HSD17B12: variants seen among roughly 807,000 people sequenced by gnomAD.
HSD17B12 encodes hydroxysteroid 17-beta dehydrogenase 12.
A neutral mutation model predicts 39.3 loss-of-function variants in HSD17B12; 32 were observed. That is an observed-to-expected ratio of 0.81 (90% confidence interval 0.61 to 1.09). The LOEUF (loss-of-function observed/expected upper bound fraction) is 1.09, where lower values mean the gene tolerates loss of function less well. HSD17B12 is among the 50% of genes least tolerant of loss of function. The pLI, the probability that HSD17B12 is intolerant of heterozygous loss-of-function variation, is 0.00. For synonymous variants in HSD17B12, 150 were observed against 146.7 expected (o/e 1.02, Z -0.16); for missense variants, 342 against 382.9 (o/e 0.89, Z 0.89).
At chr11:43,565,535 T>C in the HSD17B12 span, among the ~76,000 whole-genome samples, 3 of 152,218 alleles carry the variant, frequency 2.0e-5, no homozygotes, top group Admixed American at 6.5e-5. Flanking sequence ...GATGGAGTTA[T>C]GGCTTATAGC....
chr11:43,599,002 C>T, the HSD17B12 span, among the ~76,000 whole-genome samples: 61 of 152,338 alleles, frequency 4.0e-4, no homozygotes, highest in Non-Finnish European at 8.4e-4. Flanking sequence ...TTTCTTACAT[C>T]ACTTTGGACA....
chr11:43,635,010 A>T, the HSD17B12 span, among the ~76,000 whole-genome samples: 1 of 152,196 alleles, frequency 6.6e-6, no homozygotes, highest in Non-Finnish European at 1.5e-5. Context: ...CTTGTGCAAG[A>T]TGAAATACTT....
At chr11:43,847,033 C>T (rs763675346) in intron 9 of HSD17B12, among the ~76,000 whole-genome samples, 4 of 152,176 alleles carry the variant, frequency 2.6e-5, no homozygotes, top group South Asian at 2.1e-4. Context: ...TAGAGTGATA[C>T]GTTCTCGAGA....
At chr11:43,584,078 C>G in the HSD17B12 span, among the ~76,000 whole-genome samples, 1 of 152,254 alleles carries the variant, frequency 6.6e-6, no homozygotes, top group Non-Finnish European at 1.5e-5. Flanking sequence ...TTTTGCATGC[C>G]GTCTTTCTCA....
chr11:43,738,740 A>G (rs1443836524), intron 1 of HSD17B12, among the ~76,000 whole-genome samples: 2 of 152,198 alleles, frequency 1.3e-5, no homozygotes, highest in Non-Finnish European at 2.9e-5. Flanking sequence ...GTGATGATCC[A>G]GACAGACCCT....
intron 1 of HSD17B12, among the ~76,000 whole-genome samples, chr11:43,707,392 G>A (rs1339357016): frequency 1.3e-5 from 2 of 152,170 alleles, no homozygotes; most frequent in Non-Finnish European, 2.9e-5. Flanking sequence ...AGATTTTCTC[G>A]ATACGTTGAC....
At position 43,711,771 on chromosome 11, in the gene HSD17B12, G is replaced by A. The variant is rs113941860; in HGVS notation, c.160+30784G>A. ...ATTACAGGCATGAGCCACCACACCC[G>A]GCCTACAGTGTGATGTATTAATTTG... On this transcript the variant is annotated intron_variant, in intron 1 of 10. Coordinates refer to ENST00000278353, the MANE Select transcript of HSD17B12 (RefSeq NM_016142.3). Among the ~76,000 whole-genome samples the A allele has an allele frequency of 6.9e-3, 1,043 of 152,036 alleles. 10 individuals are homozygous for A. The highest frequency in any genetic ancestry group is 0.024 in the African/African-American group (995 of 41,454).
chr11:43,789,156 C>T (rs966404658), intron 3 of HSD17B12, among the ~76,000 whole-genome samples: 15 of 152,174 alleles, frequency 9.9e-5, no homozygotes, highest in Non-Finnish European at 2.9e-5. Flanking sequence ...ACAAATGTTA[C>T]CTAGTAGGTA....
chr11:43,709,761 T>C (rs961348908), intron 1 of HSD17B12, among the ~76,000 whole-genome samples: 1 of 152,184 alleles, frequency 6.6e-6, no homozygotes, highest in Non-Finnish European at 1.5e-5. Flanking sequence ...AAACTATGAA[T>C]TGACTATGAC....
intron 1 of HSD17B12, among the ~76,000 whole-genome samples, chr11:43,732,633 T>A (rs958075386): frequency 1.3e-5 from 2 of 152,094 alleles, no homozygotes; most frequent in Non-Finnish European, 2.9e-5. Flanking sequence ...TTGGCTAACC[T>A]TTTTTATTTT....
intron 4 of HSD17B12, among the ~76,000 whole-genome samples, chr11:43,807,003 A>T (rs1453340965): frequency 1.1e-5 from 1 of 89,918 alleles, no homozygotes; most frequent in Non-Finnish European, 2.5e-5. Flanking sequence ...GCCATGAATA[A>T]GAAAGACACT....
chr11:43,786,922 C>G (rs182975172), intron 3 of HSD17B12, among the ~76,000 whole-genome samples: 19 of 152,048 alleles, frequency 1.2e-4, no homozygotes, highest in African/African-American at 4.6e-4. Flanking sequence ...TTAGGGAATC[C>G]TAGGGTCAAA....
At chr11:43,634,005 C>T in the HSD17B12 span, among the ~76,000 whole-genome samples, 1 of 132,290 alleles carries the variant, frequency 7.6e-6, no homozygotes, top group African/African-American at 2.8e-5. Flanking sequence ...ACCCGGGAGG[C>T]GGAGGTTGCC....
At chr11:43,611,941 A>G in the HSD17B12 span, among the ~76,000 whole-genome samples, 1 of 152,094 alleles carries the variant, frequency 6.6e-6, no homozygotes, top group East Asian at 1.9e-4. Context: ...GGCATAATCT[A>G]CTCTTGCTTG....
chr11:43,842,679 A>G (rs1406043684), intron 9 of HSD17B12, among the ~76,000 whole-genome samples: 1 of 152,194 alleles, frequency 6.6e-6, no homozygotes, highest in Non-Finnish European at 1.5e-5. Context: ...AAGGTATCAC[A>G]TGCCAGGCAA....
intron 9 of HSD17B12, among the ~76,000 whole-genome samples, chr11:43,844,169 G>A (rs190913665): frequency 7.4e-4 from 112 of 152,194 alleles, no homozygotes; most frequent in African/African-American, 2.4e-3. Flanking sequence ...GTCTACCTCC[G>A]TGTGAATGTA....
upstream of HSD17B12, among the ~76,000 whole-genome samples, chr11:43,679,656 A>C (rs569645130): frequency 6.6e-6 from 1 of 152,352 alleles, no homozygotes; most frequent in Admixed American, 6.5e-5. Context: ...CCCCCTTTGA[A>C]GACAAATTAA....
chr11:43,843,287 G>A (rs1399779227), intron 9 of HSD17B12, among the ~76,000 whole-genome samples: 3 of 152,172 alleles, frequency 2.0e-5, no homozygotes, highest in African/African-American at 7.2e-5. Flanking sequence ...TAGTCTAAAT[G>A]AAGCTCAGAG....
At chr11:43,816,998 CTA>C (rs1434544176) in intron 6 of HSD17B12, among the ~76,000 whole-genome samples, 38 of 52,766 alleles carry the variant, frequency 7.2e-4, no homozygotes, top group African/African-American at 1.6e-3. Flanking sequence ...ATATCTATAT[CTA>C]TATCTATATC....
Sources: gnomAD v4.1 joint callset for allele counts (sites outside exome capture counted in the v4.1 genomes callset) on GRCh38, gnomAD v4.1.1 for gene constraint, MANE v1.5 for transcripts, NCBI Gene and HGNC (gene_info 2026-07-23, HGNC 2026-07-21) for gene names.